The following SLC7A8 variants were observed in gnomAD, a reference collection of about 807,000 sequenced individuals.
SLC7A8 encodes large neutral amino acids transporter small subunit 2.
SLC7A8 carries 30 observed loss-of-function variants against 51.2 expected under a neutral mutation model. That is an observed-to-expected ratio of 0.59 (90% CI 0.44 to 0.80). The LOEUF (loss-of-function observed/expected upper bound fraction) is 0.80. Ranked by LOEUF, SLC7A8 falls within the 30% of genes least tolerant of loss-of-function variation. SLC7A8 has a pLI of 0.00. For missense variants in SLC7A8, 612 were observed against 674.4 expected, an observed-to-expected ratio of 0.91 and a Z score of 1.03; for synonymous variants, 257 against 275.8, an observed-to-expected ratio of 0.93 and a Z score of 0.67.
rs575250481 is a variant in SLC7A8 at position 23,177,829 on chromosome 14, T to C, written c.151+4935A>G. On this transcript the variant is annotated intron_variant, in intron 1 of 10. Coordinates refer to ENST00000316902, the MANE Select transcript of SLC7A8 (RefSeq NM_012244.4). ...CCAGCTGACAGCCCAGCTCCCCTGCTATACTGGGAGTCTTCCTCACTGGGA... is the reference window on the plus strand; with the variant it reads ...CCAGCTGACAGCCCAGCTCCCCTGCCATACTGGGAGTCTTCCTCACTGGGA... 5.9e-5 allele frequency among the ~76,000 whole-genome samples: 9 copies of C among 152,352 alleles called. 1 individual carries two copies. In the East Asian group the frequency reaches 1.2e-3, roughly 20 times the overall value.
chr14:23,125,556 A>C lies in SLC7A8; in HGVS notation c.*1621T>G, dbSNP rs377166913. On this transcript the variant is annotated 3_prime_UTR_variant, in exon 11 of 11. Coordinates refer to ENST00000316902, the MANE Select transcript of SLC7A8 (RefSeq NM_012244.4). ...AGGAATGAGAAAAGAGGGAATAAGA[A>C]GATGGTCCCCTGACCCTCCAGGGGC... 1 of 152,638 alleles carries C rather than the reference A, an allele frequency of 6.6e-6. No individual in the cohort carries two copies. The allele number at this position is 152,638 out of a possible 1,614,324, so 9.5% of individuals were successfully genotyped here. A position where few individuals can be genotyped will look rare whatever the true frequency, so the allele number is the denominator to read the frequency against.
At chr14:23,138,141 G>A (rs190482759) in intron 6 of SLC7A8, 117 bp from the exon 7 acceptor site, 234 of 1,291,614 alleles carry the variant, frequency 1.8e-4, no homozygotes, top group Non-Finnish European at 2.3e-4. Context: ...ATTCTCTCTC[G>A]CCAAGCTTCT....
intron 3 of SLC7A8, among the ~76,000 whole-genome samples, chr14:23,157,353 C>A (rs190906146): frequency 6.6e-6 from 1 of 152,308 alleles, no homozygotes; most frequent in East Asian, 1.9e-4. Flanking sequence ...ATCCTTACAA[C>A]TGAATTGTAA....
Position 23,152,328 on chromosome 14 carries a change from G to A in SLC7A8, c.509-9124C>T, listed in dbSNP as rs1224570048. 3.3e-5 allele frequency among the ~76,000 whole-genome samples: 5 copies of A among 151,686 alleles called. No individual in the cohort carries two copies. The South Asian group carries it at 8.3e-4, about 25-fold the overall frequency. On this transcript the variant is annotated intron_variant, in intron 3 of 10. Coordinates refer to ENST00000316902, the MANE Select transcript of SLC7A8 (RefSeq NM_012244.4). ...GTATTTTTGGTAGAGATGGGGTTTC[G>A]CCATGTTGCCCAGGCTGGTCTTGAA...
At chr14:23,167,432 T>A (rs976658717) in intron 1 of SLC7A8, among the ~76,000 whole-genome samples, 9 of 152,136 alleles carry the variant, frequency 5.9e-5, no homozygotes, top group African/African-American at 2.2e-4. Context: ...AAATTGGATC[T>A]AGAAGTCAGT....
rs1319753054 is a variant in SLC7A8 at position 23,143,151 on chromosome 14, C to T, written c.562G>A (p.Asp188Asn). ...AGGAGCTTCCCAGCTGTGAAGATGTCTTGAACCCGGGTGGCCCACCGCACA... is the reference window on the plus strand; with the variant it reads ...AGGAGCTTCCCAGCTGTGAAGATGTTTTGAACCCGGGTGGCCCACCGCACA... ...SSVRWATRVQ[D>N]IFTAGKLLAL... Residue 188 changes from aspartate (D) to asparagine (N), a missense_variant, in exon 4 of 11, where the codon GAC (aspartate) becomes AAC (asparagine). Transcript: ENST00000316902. 6.2e-7 allele frequency: 1 copy of T among 1,614,162 alleles called. No homozygotes were observed. Among genetic ancestry groups the T allele is most frequent in the East Asian group, 2.2e-5 (1 of 44,878 alleles).
intron 1 of SLC7A8, among the ~76,000 whole-genome samples, chr14:23,177,077 G>C (rs890512897): frequency 6.6e-5 from 10 of 151,950 alleles, no homozygotes; most frequent in African/African-American, 2.4e-4. Flanking sequence ...AATATACCAA[G>C]ATCCCCCAAA....
chr14:23,170,257 C>T (rs982514084), intron 1 of SLC7A8, among the ~76,000 whole-genome samples: 2 of 152,200 alleles, frequency 1.3e-5, no homozygotes, highest in African/African-American at 2.4e-5. Context: ...CTGGTCCAGA[C>T]TTTCCTCCAT....
intron 3 of SLC7A8, among the ~76,000 whole-genome samples, chr14:23,156,126 G>C (rs1252865302): frequency 6.6e-6 from 1 of 151,870 alleles, no homozygotes; most frequent in Non-Finnish European, 1.5e-5. Context: ...AGCCTCCCGA[G>C]TAGCTGGGAT....
chr14:23,179,816 A>AG (rs1877086705), intron 1 of SLC7A8, among the ~76,000 whole-genome samples: 1 of 152,120 alleles, frequency 6.6e-6, no homozygotes, highest in Non-Finnish European at 1.5e-5. Flanking sequence ...TCTCAGAAAA[A>AG]AAAGAAAGAA....
chr14:23,161,755 C>T (rs1171342840), intron 3 of SLC7A8, among the ~76,000 whole-genome samples: 2 of 152,002 alleles, frequency 1.3e-5, no homozygotes, highest in African/African-American at 4.8e-5. Context: ...TGGGGAAACC[C>T]CATCTCTACT....
chr14:23,155,838 G>A (rs1419999972), intron 3 of SLC7A8, among the ~76,000 whole-genome samples: 1 of 151,484 alleles, frequency 6.6e-6, no homozygotes, highest in Non-Finnish European at 1.5e-5. Flanking sequence ...ATCCTGTGAG[G>A]TTTAGTTGGT....
At chr14:23,152,051 C>G (rs1594831491) in intron 3 of SLC7A8, among the ~76,000 whole-genome samples, 4 of 151,782 alleles carry the variant, frequency 2.6e-5, no homozygotes, top group South Asian at 4.2e-4. Context: ...CAAAACAAAA[C>G]AAAAACAAAA....
chr14:23,180,843 G>A (rs1282984891), intron 1 of SLC7A8, among the ~76,000 whole-genome samples: 1 of 152,118 alleles, frequency 6.6e-6, no homozygotes, highest in East Asian at 1.9e-4. Flanking sequence ...GGTTAACACG[G>A]TGAAACCCCG....
rs1039211087 is a variant in SLC7A8, at chr14:23,183,637, G to C, written c.-723C>G. On this transcript the variant is annotated 5_prime_UTR_variant, in exon 1 of 11. Coordinates refer to ENST00000316902, the MANE Select transcript of SLC7A8 (RefSeq NM_012244.4). The stretch of plus-strand genomic sequence containing the variant: ...CAGCCGGCCCCATCCCTCTGGTTTC[G>C]GGAGAGTGGCTTCTCCACACACTAA... 7.9e-5 allele frequency: 12 copies of C among 152,182 alleles called. No homozygotes were observed. The highest frequency in any genetic ancestry group is 5.2e-4 in the Admixed American group (8 of 15,252). 9.4% of individuals were successfully genotyped at this position (152,182 alleles called of 1,614,324 possible).
intron 2 of SLC7A8, 99 bp downstream of exon 2, chr14:23,166,237 A>G: frequency 7.7e-7 from 1 of 1,298,566 alleles, no homozygotes; most frequent in Non-Finnish European, 1.1e-6. Context: ...CACACTGGAG[A>G]CTGGAAACCC....
rs567345351 is a variant in SLC7A8 at position 23,132,895 on chromosome 14, C to T, written c.1017-1338G>A. Among the ~76,000 whole-genome samples the T allele has an allele frequency of 2.6e-4, 40 of 152,026 alleles. No individual in the cohort carries two copies. In the East Asian group the frequency reaches 7.4e-3, roughly 28 times the overall value. On this transcript the variant is annotated intron_variant, in intron 7 of 10. Transcript: ENST00000316902. ...AGGTGATCTGCCCGCCTCGGCCTCC[C>T]AAAGTACTGGGATTACAGGCATGAG...
At chr14:23,140,842 G>A (rs1462744026) in intron 4 of SLC7A8, among the ~76,000 whole-genome samples, 1 of 152,216 alleles carries the variant, frequency 6.6e-6, no homozygotes, top group Non-Finnish European at 1.5e-5. Context: ...GTCCAAATGA[G>A]GGTTTAAGTG....
chr14:23,127,464 C>T lies in SLC7A8; in HGVS notation c.1442-121G>A, dbSNP rs551453414. On this transcript the variant is annotated intron_variant, in intron 10 of 10. Coordinates refer to ENST00000316902, the MANE Select transcript of SLC7A8 (RefSeq NM_012244.4). ...TTCTGCCTCTTCAGAGCAGTCAGTG[C>T]GTTGAAGAGAATCCTCGCCACCTGG... 27 of 1,175,272 alleles carry T rather than the reference C, an allele frequency of 2.3e-5. No individual in the cohort carries two copies. In the East Asian group the frequency reaches 2.7e-4, roughly 12 times the overall value. 72.8% of individuals were successfully genotyped at this position (1,175,272 alleles called of 1,614,324 possible). A position where few individuals can be genotyped will look rare whatever the true frequency, so the allele number is the denominator to read the frequency against.
Sources: allele counts gnomAD v4.1 joint callset (sites outside exome capture counted in the v4.1 genomes callset), GRCh38; gene constraint gnomAD v4.1.1; transcripts MANE v1.5; gene names NCBI Gene and HGNC (gene_info 2026-07-23, HGNC 2026-07-21).